CARS1: variants seen among roughly 807,000 people sequenced by gnomAD.
CARS1 encodes cysteinyl-tRNA synthetase 1.
A neutral mutation model predicts 106.2 loss-of-function variants in CARS1; 48 were observed. The observed-to-expected ratio is 0.45, with a 90% CI of 0.36 to 0.57. CARS1 has a LOEUF of 0.57. Among genes scored for constraint, CARS1 ranks in the 20% least tolerant of loss-of-function variants. CARS1 has a pLI of 0.00. For missense variants in CARS1, 968 were observed against 1,057.2 expected, an observed-to-expected ratio of 0.92 and a Z score of 1.17; for synonymous variants, 409 against 403.4, an observed-to-expected ratio of 1.01 and a Z score of -0.17.
At chr11:3,023,385 T>C (rs1034942022) in intron 10 of CARS1, among the ~76,000 whole-genome samples, 2 of 152,126 alleles carry the variant, frequency 1.3e-5, no homozygotes, top group African/African-American at 4.8e-5. Flanking sequence ...TATTCAAACA[T>C]ACATACATAC....
chr11:3,038,910 TAA>T lies in CARS1; in HGVS notation c.651+282_651+283del, dbSNP rs1854042104. ...ACAGCAATATTGGTAAGCATTTTTA[TAA>T]GTGTAATTAGTGGCACTGTGATGAA... On this transcript the variant is annotated intron_variant, in intron 6 of 22. Transcript: ENST00000380525. This position sits in a 1 kb window ranked among gnomAD's most constrained non-coding sequence, Gnocchi z 4.0. Among the ~76,000 whole-genome samples, 1 of 152,230 alleles carries T rather than the reference TAA, an allele frequency of 6.6e-6. No homozygotes were observed. Among genetic ancestry groups the T allele is most frequent in the South Asian group, 2.1e-4 (1 of 4,836 alleles).
chr11:3,028,398 C>A lies in CARS1; in HGVS notation c.1031+598G>T. On this transcript the variant is annotated intron_variant, in intron 9 of 22. Transcript: ENST00000380525. This position sits in a 1 kb window ranked among gnomAD's most constrained non-coding sequence, Gnocchi z 4.4. ...TTGTGTCTTTATTTCTACAATCTCT[C>A]ATCTCCACACATGGGGAGAAAAACC... 2.9e-6 allele frequency: 1 copy of A among 342,332 alleles called. No homozygotes were observed. The highest frequency in any genetic ancestry group is 4.8e-5 in the Admixed American group (1 of 20,834). 21.2% of individuals were successfully genotyped at this position (342,332 alleles called of 1,614,324 possible).
rs776914100 is a variant in CARS1, at chr11:3,029,550, C to T, written c.802-107G>A. ...AGTGCCCTGAATTCAAAGGTGCTGA[C>T]CTTGACCTGTGAAGAGCCACCGTCT... On this transcript the variant is annotated intron_variant, in intron 7 of 22. Coordinates refer to ENST00000380525, the MANE Select transcript of CARS1 (RefSeq NM_001014437.3). This position sits in a 1 kb window ranked among gnomAD's most constrained non-coding sequence, Gnocchi z 5.9. The T allele has an allele frequency of 2.3e-6, 3 of 1,278,682 alleles. No homozygotes were observed. In the African/African-American group the frequency reaches 4.4e-5, roughly 19 times the overall value. The allele number at this position is 1,278,682 out of a possible 1,614,324, so 79.2% of individuals were successfully genotyped here.
chr11:3,018,569 C>T (rs1425610665), intron 13 of CARS1, 51 bp downstream of exon 13: 3 of 1,613,014 alleles, frequency 1.9e-6, no homozygotes, highest in Non-Finnish European at 1.7e-6. Flanking sequence ...ACAGCCATTA[C>T]ACATGTATGA....
intron 10 of CARS1, among the ~76,000 whole-genome samples, chr11:3,025,624 C>A (rs1017065043): frequency 1.3e-5 from 2 of 152,190 alleles, no homozygotes; most frequent in Non-Finnish European, 2.9e-5. Flanking sequence ...CTAGGACAGG[C>A]GGGGTGGGGG....
chr11:3,024,824 C>T (rs781484890), intron 10 of CARS1, among the ~76,000 whole-genome samples: 2 of 152,202 alleles, frequency 1.3e-5, no homozygotes, highest in African/African-American at 2.4e-5. Flanking sequence ...TCCTTGAAAA[C>T]GGTTCTTTGA....
At chr11:3,025,415 A>G (rs1851949459) in intron 10 of CARS1, among the ~76,000 whole-genome samples, 1 of 152,082 alleles carries the variant, frequency 6.6e-6, no homozygotes, top group Non-Finnish European at 1.5e-5. Context: ...TTTAGTAGAG[A>G]TGGGGTTTCG....
chr11:3,048,103 G>C lies in CARS1; in HGVS notation c.26-102C>G. The C allele has an allele frequency of 2.1e-6, 3 of 1,424,958 alleles. No individual in the cohort carries two copies. Among genetic ancestry groups the C allele is most frequent in the Non-Finnish European group, 2.8e-6 (3 of 1,056,986 alleles). 88.3% of individuals were successfully genotyped at this position (1,424,958 alleles called of 1,614,324 possible). A position where few individuals can be genotyped will look rare whatever the true frequency, so the allele number is the denominator to read the frequency against. On this transcript the variant is annotated intron_variant, in intron 1 of 22. Coordinates refer to ENST00000380525, the MANE Select transcript of CARS1 (RefSeq NM_001014437.3). This position sits in a 1 kb window ranked among gnomAD's most constrained non-coding sequence, Gnocchi z 5.1. ...GGATGGCACAGAACCAAGGAAAAAG[G>C]TGTTCAAGCCCTTCCCTGGACGCCA...
At chr11:3,015,199 A>T (rs1053055656) in intron 17 of CARS1, among the ~76,000 whole-genome samples, 1 of 152,196 alleles carries the variant, frequency 6.6e-6, no homozygotes, top group East Asian at 1.9e-4. Flanking sequence ...GACCCACTAG[A>T]CAGGGGGCTC....
At position 3,040,624 on chromosome 11, in the gene CARS1, G is replaced by T. The variant is rs559847371; in HGVS notation, c.455+272C>A. The T allele has an allele frequency of 1.6e-6, 1 of 631,004 alleles. No individual in the cohort carries two copies. Among genetic ancestry groups the T allele is most frequent in the Admixed American group, 2.1e-5 (1 of 47,694 alleles). The allele number at this position is 631,004 out of a possible 1,614,324, so 39.1% of individuals were successfully genotyped here. On this transcript the variant is annotated intron_variant, in intron 4 of 22. Transcript: ENST00000380525. The surrounding 1 kb of genome is among the most constrained non-coding windows in gnomAD (Gnocchi z 5.8). The stretch of plus-strand genomic sequence containing the variant: ...AACTTTAAGGTATGTGAGAAAAAGT[G>T]CCCAGGTCGAGTCCAGCATGTTAGC...
At chr11:3,036,732 T>C (rs1438036113) in intron 7 of CARS1, among the ~76,000 whole-genome samples, 1 of 152,224 alleles carries the variant, frequency 6.6e-6, no homozygotes, top group Non-Finnish European at 1.5e-5. Context: ...CCCAGGTTTA[T>C]AGCAGCATTA....
At chr11:3,015,702 G>T in intron 17 of CARS1, 79 bp downstream of exon 17, 1 of 1,238,920 alleles carries the variant, frequency 8.1e-7, no homozygotes, top group Non-Finnish European at 1.2e-6. Context: ...GACAGAGGAG[G>T]GGCAGTTCAG....
intron 18 of CARS1, among the ~76,000 whole-genome samples, chr11:3,009,946 C>T (rs1212042360): frequency 6.6e-6 from 1 of 152,200 alleles, no homozygotes; most frequent in African/African-American, 2.4e-5. Context: ...ACCTCTAACA[C>T]GCTGCCCCGT....
In CARS1 at chr11:3,047,926, G is replaced by A. The variant is rs779162754; in HGVS notation, c.101C>T (p.Thr34Met). ...TGAGTACCCCTGGACATAGCTACGC[G>A]TGCTGAGGTGCTCGTTCAGGGCTTG... ...RAQALNEHLS[T>M]RSYVQGYSLS... The change falls in exon 2 of 23, where the codon ACG (threonine) becomes ATG (methionine). Residue 34 changes from threonine (T) to methionine (M), a missense_variant. Physicochemically the swap from Thr to Met is moderately conservative, Grantham distance 81. Transcript: ENST00000380525. The A allele has an allele frequency of 2.1e-5, 34 of 1,614,040 alleles. No homozygotes were observed. Among genetic ancestry groups the A allele is most frequent in the African/African-American group, 2.7e-5 (2 of 74,932 alleles).
rs1425036579 is a variant in CARS1, at chr11:3,003,661, G to C, written c.2218-1061C>G. ...AGCTCTTTCGAGATAGATGGAGGGA[G>C]AGCAGGGCTGGCCGAGGGAAAGGGG... On this transcript the variant is annotated intron_variant, in intron 20 of 22. Transcript: ENST00000380525. This position sits in a 1 kb window ranked among gnomAD's most constrained non-coding sequence, Gnocchi z 4.8. 6.6e-6 allele frequency among the ~76,000 whole-genome samples: 1 copy of C among 152,196 alleles called. No individual in the cohort carries two copies. Among genetic ancestry groups the C allele is most frequent in the East Asian group, 1.9e-4 (1 of 5,192 alleles).
chr11:3,057,371 T>C lies in CARS1; in HGVS notation c.-4A>G. 6.2e-7 allele frequency: 1 copy of C among 1,610,372 alleles called. No homozygotes were observed. Among genetic ancestry groups the C allele is most frequent in the Non-Finnish European group, 8.5e-7 (1 of 1,178,768 alleles). Reference sequence around the variant, plus strand: ...GCTGCCCGGAGGAATCTGCCATGGCTGGGAATCCCGGACCCGCAGCTGCGG... The same window carrying C: ...GCTGCCCGGAGGAATCTGCCATGGCCGGGAATCCCGGACCCGCAGCTGCGG... On this transcript the variant is annotated 5_prime_UTR_variant, in exon 1 of 23. Transcript: ENST00000380525.
In CARS1 at chr11:3,034,567, G is replaced by A. The variant is rs934901216; in HGVS notation, c.801+3483C>T. On this transcript the variant is annotated intron_variant, in intron 7 of 22. Transcript: ENST00000380525. The surrounding 1 kb of genome is among the most constrained non-coding windows in gnomAD (Gnocchi z 6.3). The stretch of plus-strand genomic sequence containing the variant: ...TCTTTTTGAGACGGAGTCTTGCTTC[G>A]TCGCCAGGCTGCAGTGCAACAGCAC... 3.4e-5 allele frequency among the ~76,000 whole-genome samples: 5 copies of A among 149,244 alleles called. No homozygotes were observed. The highest frequency in any genetic ancestry group is 2.0e-4 in the East Asian group (1 of 4,944).
Position 3,055,096 on chromosome 11 carries a change from A to C in CARS1, c.25+2247T>G. 6.5e-6 allele frequency: 4 copies of C among 619,954 alleles called. No homozygotes were observed. The South Asian group carries it at 7.5e-5, about 12-fold the overall frequency. 38.4% of individuals were successfully genotyped at this position (619,954 alleles called of 1,614,324 possible). A position where few individuals can be genotyped will look rare whatever the true frequency, so the allele number is the denominator to read the frequency against. On this transcript the variant is annotated intron_variant, in intron 1 of 22. Coordinates refer to ENST00000380525, the MANE Select transcript of CARS1 (RefSeq NM_001014437.3). ...TAGACCTTCTGAGTCAACTTAGGGAAGATGGTACAAAAATGATGGCCTCCT... is the reference window on the plus strand; with the variant it reads ...TAGACCTTCTGAGTCAACTTAGGGACGATGGTACAAAAATGATGGCCTCCT...
In CARS1 at chr11:3,034,919, G is replaced by T. The variant is rs566923356; in HGVS notation, c.801+3131C>A. On this transcript the variant is annotated intron_variant, in intron 7 of 22. Transcript: ENST00000380525. This position sits in a 1 kb window ranked among gnomAD's most constrained non-coding sequence, Gnocchi z 6.3. ...AAGGTCAAGGGGCCACATCTGTTCT[G>T]GGCCTTCTTGCTGGTGGGGACTTTT... Among the ~76,000 whole-genome samples the T allele has an allele frequency of 1.3e-5, 2 of 152,120 alleles. No homozygotes were observed. Among genetic ancestry groups the T allele is most frequent in the African/African-American group, 2.4e-5 (1 of 41,410 alleles).
Sources: gnomAD v4.1 joint callset for allele counts (sites outside exome capture counted in the v4.1 genomes callset) on GRCh38, gnomAD v4.1.1 for gene constraint, Gnocchi (gnomAD v3.1) non-coding constraint, MANE v1.5 for transcripts, NCBI Gene and HGNC (gene_info 2026-07-23, HGNC 2026-07-21) for gene names.